SPTBN1: variants seen among roughly 807,000 people sequenced by gnomAD.
The protein encoded by SPTBN1 is spectrin beta chain, non-erythrocytic 1.
SPTBN1 carries 32 observed loss-of-function variants against 266.4 expected under a neutral mutation model. The observed-to-expected ratio is 0.12, with a 90% CI of 0.09 to 0.16. SPTBN1 has a LOEUF of 0.16. Ranked by LOEUF, SPTBN1 falls within the 10% of genes least tolerant of loss-of-function variation. The pLI is 1.00. For missense variants in SPTBN1, 2,296 were observed against 3,067.1 expected (o/e 0.75, Z 5.94); for synonymous variants, 1,336 against 1,162.2 (o/e 1.15, Z -3.04).
chr2:54,582,762 A>G (rs1237424394), intron 2 of SPTBN1, among the ~76,000 whole-genome samples: 1 of 152,148 alleles, frequency 6.6e-6, no homozygotes, highest in Non-Finnish European at 1.5e-5. Context: ...TATCAGTTGG[A>G]GCCAAAGGTC....
intron 1 of SPTBN1, among the ~76,000 whole-genome samples, chr2:54,519,836 T>TTTTC (rs1187603288): frequency 1.3e-5 from 2 of 151,938 alleles, no homozygotes; most frequent in Non-Finnish European, 2.9e-5. Context: ...TTTCAGGAGG[T>TTTTC]ACGAGTTACC....
chr2:54,601,323 C>G (rs993049547), intron 3 of SPTBN1, among the ~76,000 whole-genome samples: 16 of 152,168 alleles, frequency 1.1e-4, no homozygotes, highest in Non-Finnish European at 1.6e-4. Context: ...GCTCTTAAAG[C>G]TCTTGTTCAT....
intron 2 of SPTBN1, among the ~76,000 whole-genome samples, chr2:54,548,365 G>A (rs1352791516): frequency 6.6e-6 from 1 of 152,170 alleles, no homozygotes; most frequent in Non-Finnish European, 1.5e-5. Flanking sequence ...AGCTGTGCTT[G>A]TACCGCATCC....
Position 54,649,671 on chromosome 2 carries a change from G to C in SPTBN1, c.5259G>C (p.Glu1753Asp). 6.2e-7 allele frequency: 1 copy of C among 1,613,890 alleles called. No individual in the cohort carries two copies. The highest frequency in any genetic ancestry group is 8.5e-7 in the Non-Finnish European group (1 of 1,179,776). Residue 1753 changes from glutamate to aspartate, a missense_variant, in exon 26 of 36, where the codon GAG (glutamate) becomes GAC (aspartate). Transcript: ENST00000356805. This position sits in a 1 kb window ranked among gnomAD's most constrained non-coding sequence, Gnocchi z 6.7. Reference protein sequence around the residue: ...FARDTGNIGQERVDTVNHLAD... With the variant: ...FARDTGNIGQDRVDTVNHLAD... Reference sequence around the variant, plus strand: ...GAGACACCGGGAACATTGGGCAGGAGCGCGTGGACACGGTCAATCACCTGG... The same window carrying C: ...GAGACACCGGGAACATTGGGCAGGACCGCGTGGACACGGTCAATCACCTGG...
At chr2:54,642,104 G>A (rs2104022334) in intron 18 of SPTBN1, among the ~76,000 whole-genome samples, 1 of 152,336 alleles carries the variant, frequency 6.6e-6, no homozygotes, top group African/African-American at 2.4e-5. Flanking sequence ...TCCTAGGTTA[G>A]CAAAGCAAAT....
At chr2:54,635,710 G>A (rs893081965) in intron 17 of SPTBN1, among the ~76,000 whole-genome samples, 2 of 152,218 alleles carry the variant, frequency 1.3e-5, no homozygotes, top group African/African-American at 2.4e-5. Flanking sequence ...ACTTCAATGA[G>A]ATGCCATGCC....
At chr2:54,648,893 G>T in intron 24 of SPTBN1, 93 bp from the exon 25 acceptor site, 1 of 1,156,508 alleles carries the variant, frequency 8.6e-7, no homozygotes, top group South Asian at 1.6e-5. Context: ...GATGTAATAT[G>T]CTCTCCCATT....
intron 2 of SPTBN1, among the ~76,000 whole-genome samples, chr2:54,595,410 G>A (rs1676002481): frequency 6.6e-6 from 1 of 152,220 alleles, no homozygotes; most frequent in African/African-American, 2.4e-5. Flanking sequence ...AGGGCTGGTT[G>A]GGAACCTACT....
intron 2 of SPTBN1, among the ~76,000 whole-genome samples, chr2:54,576,055 C>CTCTTTTTT (rs1674442902): frequency 5.3e-5 from 1 of 18,734 alleles, no homozygotes; most frequent in Non-Finnish European, 1.1e-4. Flanking sequence ...TCAGATCCAG[C>CTCTTTTTT]TTTTTTTTTT....
intron 1 of SPTBN1, among the ~76,000 whole-genome samples, chr2:54,463,124 G>A (rs375817432): frequency 3.3e-5 from 5 of 152,312 alleles, no homozygotes; most frequent in African/African-American, 1.2e-4. Context: ...AAGTTACAGT[G>A]GTGGCCAAGG....
chr2:54,647,927 T>A (rs1427633477), intron 24 of SPTBN1, among the ~76,000 whole-genome samples: 1 of 152,148 alleles, frequency 6.6e-6, no homozygotes, highest in Non-Finnish European at 1.5e-5. Context: ...GTTGAAAAAG[T>A]CATCCAGTTT....
intron 1 of SPTBN1, among the ~76,000 whole-genome samples, chr2:54,519,726 C>T (rs1191025026): frequency 6.6e-6 from 1 of 152,100 alleles, no homozygotes; most frequent in East Asian, 1.9e-4. Flanking sequence ...TACATTTTAG[C>T]ACGGTCCCTC....
intron 2 of SPTBN1, among the ~76,000 whole-genome samples, chr2:54,543,589 CTTGT>C (rs1672061881): frequency 6.6e-6 from 1 of 151,800 alleles, no homozygotes; most frequent in African/African-American, 2.4e-5. Context: ...CCAAAAAATA[CTTGT>C]TTTTTTTTTA....
intron 2 of SPTBN1, chr2:54,529,882 A>C (rs1014341969): frequency 2.8e-6 from 1 of 358,300 alleles, no homozygotes; most frequent in Non-Finnish European, 5.3e-6. Flanking sequence ...AAAAAAAAAA[A>C]AAGGTCCACT....
chr2:54,650,738 T>C (rs1423558246), intron 26 of SPTBN1, among the ~76,000 whole-genome samples: 1 of 152,260 alleles, frequency 6.6e-6, no homozygotes, highest in East Asian at 1.9e-4. Context: ...ATACATACTC[T>C]GTTGCAGCTC....
intron 1 of SPTBN1, among the ~76,000 whole-genome samples, chr2:54,486,736 T>TAA (rs370461438): frequency 1.1e-4 from 15 of 132,110 alleles, no homozygotes; most frequent in African/African-American, 3.9e-4. Flanking sequence ...AATAATAAAT[T>TAA]AAAAAAAAAA....
chr2:54,591,106 T>A (rs1477360151), intron 2 of SPTBN1, among the ~76,000 whole-genome samples: 1 of 147,424 alleles, frequency 6.8e-6, no homozygotes, highest in Non-Finnish European at 1.5e-5. Flanking sequence ...CTTTTTGTTA[T>A]TTTTTAACTT....
chr2:54,644,460 G>A lies in SPTBN1; in HGVS notation c.4143G>A (p.Lys1381=), dbSNP rs1197857496. The stretch of plus-strand genomic sequence containing the variant: ...CCCAGCGGCTCTTTGATGCAAACAA[G>A]GCCGAACTTTTCACCCAGAGCTGTG... The part of the protein sequence containing the change: ...TKAQRLFDAN[K]AELFTQSCAD... The change falls in exon 20 of 36, where the codon AAG becomes AAA. Residue 1381 remains lysine, a synonymous_variant. Transcript: ENST00000356805. 1 of 1,614,226 alleles carries A rather than the reference G, an allele frequency of 6.2e-7. No homozygotes were observed. The highest frequency in any genetic ancestry group is 1.1e-5 in the South Asian group (1 of 91,078).
chr2:54,472,460 T>C (rs1482979723), intron 1 of SPTBN1, among the ~76,000 whole-genome samples: 2 of 152,222 alleles, frequency 1.3e-5, no homozygotes, highest in Non-Finnish European at 2.9e-5. Context: ...GAATCTTGTC[T>C]TAGCTGATTC....
Sources: allele counts gnomAD v4.1 joint callset (sites outside exome capture counted in the v4.1 genomes callset), GRCh38; gene constraint gnomAD v4.1.1; non-coding constraint Gnocchi (gnomAD v3.1); transcripts MANE v1.5; gene names NCBI Gene and HGNC (gene_info 2026-07-23, HGNC 2026-07-21).